Variants in CHD9 observed in about 807,000 individuals in gnomAD.
The protein encoded by CHD9 is chromodomain helicase DNA binding protein 9.
A neutral mutation model predicts 316.1 loss-of-function variants in CHD9; 77 were observed. That is an observed-to-expected ratio of 0.24 (90% CI 0.20 to 0.29). The LOEUF is 0.29. Among genes scored for constraint, CHD9 ranks in the 10% least tolerant of loss-of-function variants. The pLI is 1.00. For missense variants in CHD9, 2,763 were observed against 3,438.1 expected (o/e 0.80, Z 4.91); for synonymous variants, 1,129 against 1,158.3 (o/e 0.97, Z 0.51).
chr16:53,091,120 C>T (rs1319495853), intron 1 of CHD9, among the ~76,000 whole-genome samples: 1 of 152,002 alleles, frequency 6.6e-6, no homozygotes, highest in African/African-American at 2.4e-5. Flanking sequence ...GGCTGGTTGG[C>T]GCTGACTCCA....
chr16:53,105,361 C>T (rs1046942453), intron 1 of CHD9, among the ~76,000 whole-genome samples: 3 of 151,852 alleles, frequency 2.0e-5, no homozygotes, highest in African/African-American at 7.3e-5. Flanking sequence ...GTTTTATGTG[C>T]GTATTTTTGT....
intron 2 of CHD9, chr16:53,168,613 T>C (rs889570869): frequency 6.6e-6 from 1 of 152,148 alleles, no homozygotes; most frequent in Non-Finnish European, 1.5e-5. Flanking sequence ...ATAACAAAAG[T>C]TCATAGAGCA....
intron 22 of CHD9, among the ~76,000 whole-genome samples, chr16:53,273,037 C>T (rs1456346827): frequency 1.3e-5 from 2 of 151,548 alleles, no homozygotes; most frequent in East Asian, 1.9e-4. Flanking sequence ...TGCAGTGAGC[C>T]GACATCACGC....
In CHD9 at chr16:53,184,597, A is replaced by G. The variant is rs561251506; in HGVS notation, c.1453-24885A>G. On this transcript the variant is annotated intron_variant, in intron 2 of 38. Coordinates refer to ENST00000447540, the MANE Select transcript of CHD9 (RefSeq NM_001308319.2). ...TGGGCTCAAGTGATCCTCCCACCTC[A>G]GCCTCCAAAAGTGCTGGGATTATAG... Among the ~76,000 whole-genome samples, 11 of 152,292 alleles carry G rather than the reference A, an allele frequency of 7.2e-5. No individual in the cohort carries two copies. In the East Asian group the frequency reaches 9.7e-4, roughly 13 times the overall value.
chr16:53,211,521 G>C (rs2046332546), intron 3 of CHD9, among the ~76,000 whole-genome samples: 1 of 152,080 alleles, frequency 6.6e-6, no homozygotes, highest in African/African-American at 2.4e-5. Context: ...AATTGTACTA[G>C]AAATTTTTTT....
chr16:53,314,407 A>G lies in CHD9; in HGVS notation c.7253A>G (p.Asn2418Ser), dbSNP rs1288660531. 2 of 1,586,624 alleles carry G rather than the reference A, an allele frequency of 1.3e-6. No individual in the cohort carries two copies. The highest frequency in any genetic ancestry group is 1.3e-5 in the African/African-American group (1 of 74,408). ...TCCATTCAACCAACCCTTGGTGCCA[A>G]TGGTGTGATATTAGACAACCAGCCT... Reference protein sequence around the residue: ...GTSIQPTLGANGVILDNQPIV... With the variant: ...GTSIQPTLGASGVILDNQPIV... Residue 2418 changes from asparagine to serine, a missense_variant, in exon 35 of 39, where the codon AAT becomes AGT. By Grantham distance (46) the Asn-to-Ser change is conservative. Transcript: ENST00000447540.
Position 53,238,355 on chromosome 16 carries a change from C to A in CHD9, c.2646C>A (p.Ile882=). The A allele has an allele frequency of 1.9e-6, 3 of 1,612,012 alleles. No homozygotes were observed. Among genetic ancestry groups the A allele is most frequent in the Non-Finnish European group, 1.7e-6 (2 of 1,178,752 alleles). ...TTGTTTATTTCAGACGAAACTGCAT[C>A]TTAGCAGATGAAATGGGTCTTGGCA... ...LFNWYNRRNC[I]LADEMGLGKT... is the part of the protein sequence containing the mutation. The change falls in exon 12 of 39, where the codon ATC becomes ATA. Residue 882 remains isoleucine, a synonymous_variant. Coordinates refer to ENST00000447540, the MANE Select transcript of CHD9 (RefSeq NM_001308319.2).
chr16:53,118,336 G>A (rs113897652), intron 1 of CHD9, among the ~76,000 whole-genome samples: 41,211 of 151,808 alleles, frequency 0.27, 7,053 homozygotes, highest in Non-Finnish European at 0.38. Flanking sequence ...AGAATCGCTT[G>A]ACCCTGGGAG....
intron 20 of CHD9, among the ~76,000 whole-genome samples, chr16:53,265,981 T>G (rs958350843): frequency 6.6e-6 from 1 of 151,630 alleles, no homozygotes; most frequent in Admixed American, 6.6e-5. Flanking sequence ...TTTTTGTTTT[T>G]TTTTTTAAGG....
chr16:53,270,627 A>G (rs1044831257), intron 22 of CHD9, among the ~76,000 whole-genome samples: 3 of 152,154 alleles, frequency 2.0e-5, no homozygotes, highest in Non-Finnish European at 4.4e-5. Flanking sequence ...GGACTGTTGT[A>G]TATACTTGTA....
rs1238350114 is a variant in CHD9, at chr16:53,297,020, C to T, written c.5575C>T (p.Pro1859Ser). 6.2e-7 allele frequency: 1 copy of T among 1,613,382 alleles called. No individual in the cohort carries two copies. The highest frequency in any genetic ancestry group is 1.3e-5 in the African/African-American group (1 of 74,816). The change falls in exon 30 of 39, where the codon CCT (proline) becomes TCT (serine). Residue 1859 changes from proline (P) to serine (S), a missense_variant. By Grantham distance (74) the Pro-to-Ser change is moderately conservative. Transcript: ENST00000447540. ...ATCTACATTTGGAGTGGTTTTTGAC[C>T]CTGACAGAGGCCAATTTGATTGGAC... is the stretch of plus-strand genomic sequence containing the variant. ...VVSTFGVVFD[P>S]DRGQFDWTKF...
At chr16:53,280,718 AT>A (rs2053330973) in intron 24 of CHD9, among the ~76,000 whole-genome samples, 2 of 152,136 alleles carry the variant, frequency 1.3e-5, no homozygotes. Context: ...GGTTACCCAG[AT>A]AAAAATGGCA....
rs530749023 is a variant in CHD9 at position 53,238,094 on chromosome 16, T to C, written c.2634-249T>C. On this transcript the variant is annotated intron_variant, in intron 11 of 38. Coordinates refer to ENST00000447540, the MANE Select transcript of CHD9 (RefSeq NM_001308319.2). ...ATAATATATTGAGTTGGCCTTGCCC[T>C]TCCCTTTTCTTTTTTAAAAAATCAG... Among the ~76,000 whole-genome samples, 12 of 152,266 alleles carry C rather than the reference T, an allele frequency of 7.9e-5. No homozygotes were observed. The East Asian group carries it at 2.1e-3, about 27-fold the overall frequency.
chr16:53,063,458 T>C (rs896518396), intron 1 of CHD9, among the ~76,000 whole-genome samples: 3 of 150,760 alleles, frequency 2.0e-5, no homozygotes, highest in Admixed American at 6.6e-5. Flanking sequence ...CCCTAAAAGG[T>C]TCCCCATTTT....
At position 53,326,372 on chromosome 16, in the gene CHD9, C is replaced by T. The variant is rs1206961727; in HGVS notation, c.*1477C>T. Reference sequence around the variant, plus strand: ...TTTAGGGGGAAAAAGTGTCCCAGTTCTCTCCTACAGAAAAAATACTTTCAG... The same window carrying T: ...TTTAGGGGGAAAAAGTGTCCCAGTTTTCTCCTACAGAAAAAATACTTTCAG... On this transcript the variant is annotated 3_prime_UTR_variant, in exon 39 of 39. Transcript: ENST00000447540. The T allele has an allele frequency of 6.6e-6, 1 of 152,418 alleles. No individual in the cohort carries two copies. The highest frequency in any genetic ancestry group is 6.6e-5 in the Admixed American group (1 of 15,258). 9.4% of individuals were successfully genotyped at this position (152,418 alleles called of 1,614,324 possible). A position where few individuals can be genotyped will look rare whatever the true frequency, so the allele number is the denominator to read the frequency against.
intron 1 of CHD9, among the ~76,000 whole-genome samples, chr16:53,139,931 C>G (rs532112979): frequency 2.0e-5 from 3 of 151,248 alleles, no homozygotes; most frequent in Admixed American, 6.6e-5. Flanking sequence ...AACCCTGGCT[C>G]TACAAAAAAA....
chr16:53,153,436 T>TTAATTTTTTA (rs2041273988), intron 1 of CHD9, among the ~76,000 whole-genome samples: 1 of 152,264 alleles, frequency 6.6e-6, no homozygotes, highest in South Asian at 2.1e-4. Context: ...GAAGGAGAGT[T>TTAATTTTTTA]TTAATTTTTT....
At chr16:53,263,305 G>T (rs569788595) in intron 20 of CHD9, among the ~76,000 whole-genome samples, 2 of 152,212 alleles carry the variant, frequency 1.3e-5, no homozygotes, top group African/African-American at 4.8e-5. Context: ...CTACAGGGAA[G>T]GTTTAACTTT....
At chr16:53,234,081 G>GAC (rs1317206551) in intron 10 of CHD9, among the ~76,000 whole-genome samples, 4 of 151,970 alleles carry the variant, frequency 2.6e-5, no homozygotes, top group Non-Finnish European at 5.9e-5. Context: ...GATTTCTTTT[G>GAC]AAAGAAATGT....
Sources: allele counts gnomAD v4.1 joint callset (sites outside exome capture counted in the v4.1 genomes callset), GRCh38; gene constraint gnomAD v4.1.1; transcripts MANE v1.5; gene names NCBI Gene and HGNC (gene_info 2026-07-23, HGNC 2026-07-21).